AKNAD1: variants seen among roughly 807,000 people sequenced by gnomAD.
AKNAD1 encodes the protein AKNA domain containing 1, also known as protein AKNAD1.
Under a neutral mutation model 90.8 loss-of-function variants are expected in AKNAD1, and 67 were observed. That is an observed-to-expected ratio of 0.74 (90% confidence interval 0.61 to 0.90). The LOEUF (loss-of-function observed/expected upper bound fraction) is 0.90. Among genes scored for constraint, AKNAD1 ranks in the 40% least tolerant of loss-of-function variants. The pLI, the probability that AKNAD1 is intolerant of heterozygous loss-of-function variation, is 0.00. For missense variants in AKNAD1, 957 were observed against 975.4 expected (o/e 0.98, Z 0.25); for synonymous variants, 327 against 341.4 (o/e 0.96, Z 0.46).
rs1280797840 is a variant in AKNAD1 at position 108,816,130 on chromosome 1, T to C, written c.*41A>G. On this transcript the variant is annotated 3_prime_UTR_variant, in exon 16 of 16. Transcript: ENST00000370001. ...TTTTGGGGGAAGATCAAGTTTTCTT[T>C]GCATTTTTTTCTTTTGAATCCTTGG... The C allele has an allele frequency of 6.6e-7, 1 of 1,506,178 alleles. No homozygotes were observed. Among genetic ancestry groups the C allele is most frequent in the South Asian group, 1.3e-5 (1 of 75,654 alleles). 93.3% of individuals were successfully genotyped at this position (1,506,178 alleles called of 1,614,324 possible). A position where few individuals can be genotyped will look rare whatever the true frequency, so the allele number is the denominator to read the frequency against.
rs1664773725 is a variant in AKNAD1, at chr1:108,848,770, A to G, written c.1227T>C (p.His409=). The G allele has an allele frequency of 6.2e-7, 1 of 1,606,700 alleles. No homozygotes were observed. The highest frequency in any genetic ancestry group is 8.5e-7 in the Non-Finnish European group (1 of 1,178,316). ...TCATTACCAGCTTCTTGTCTTGCAA[A>G]TGGTAAGGAGAGTCCTGTTTTATTC... The part of the protein sequence containing the change: ...SKRIKQDSPY[H]LQDKKLVLEK... Residue 409 remains histidine, a synonymous_variant, in exon 5 of 16, where the codon CAT becomes CAC. Coordinates refer to ENST00000370001, the MANE Select transcript of AKNAD1 (RefSeq NM_152763.5).
At chr1:108,826,187 C>A (rs1663990624) in intron 11 of AKNAD1, among the ~76,000 whole-genome samples, 1 of 151,746 alleles carries the variant, frequency 6.6e-6, no homozygotes, top group Non-Finnish European at 1.5e-5. Context: ...GAAGCCAGTG[C>A]AGAACCAAGT....
intron 13 of AKNAD1, among the ~76,000 whole-genome samples, chr1:108,820,831 G>A (rs1663788944): frequency 6.6e-6 from 1 of 152,268 alleles, no homozygotes; most frequent in Admixed American, 6.5e-5. Context: ...GGAGGCTAAG[G>A]TGGGAGGATT....
intron 7 of AKNAD1, among the ~76,000 whole-genome samples, chr1:108,835,264 TC>T (rs1664346259): frequency 6.6e-6 from 1 of 152,144 alleles, no homozygotes; most frequent in Non-Finnish European, 1.5e-5. Context: ...AAAAACCTTC[TC>T]CCTTAGTAAT....
chr1:108,849,503 TA>T (rs1295349859), intron 3 of AKNAD1, 33 bp downstream of exon 3: 2 of 1,344,710 alleles, frequency 1.5e-6, no homozygotes, highest in African/African-American at 2.9e-5. Flanking sequence ...AAAACATATA[TA>T]TATATCTCAA....
At position 108,834,350 on chromosome 1, in the gene AKNAD1, A is replaced by C. The variant is rs1570809266; in HGVS notation, c.1746+97T>G. ...CATTAGGAAGAGGTAAGTGATCTTG[A>C]TTATGCCAATTTCACAGTCACATTC... is the stretch of plus-strand genomic sequence containing the variant. On this transcript the variant is annotated intron_variant, in intron 9 of 15. Transcript: ENST00000370001. The C allele has an allele frequency of 9.5e-6, 10 of 1,053,750 alleles. No homozygotes were observed. In the East Asian group the frequency reaches 2.3e-4, roughly 25 times the overall value. 65.3% of individuals were successfully genotyped at this position (1,053,750 alleles called of 1,614,324 possible).
In AKNAD1 at chr1:108,826,555, G is replaced by A. The variant is rs569241643; in HGVS notation, c.1936+650C>T. On this transcript the variant is annotated intron_variant, in intron 11 of 15. Transcript: ENST00000370001. ...TATCCAAAGCAGCAGCAATTCTCAC[G>A]TAGCCAGTAACCTTACCAGGTACAG... Among the ~76,000 whole-genome samples the A allele has an allele frequency of 1.5e-4, 22 of 151,594 alleles. 1 individual carries two copies. The South Asian group carries it at 3.4e-3, about 23-fold the overall frequency.
intron 1 of AKNAD1, 141 bp from the exon 2 acceptor site, chr1:108,852,908 A>ACC: frequency 2.9e-6 from 1 of 343,704 alleles, no homozygotes; most frequent in Non-Finnish European, 5.2e-6. Context: ...AAGCTGACCC[A>ACC]ACCTCAATCC....
In AKNAD1 at chr1:108,823,595, CG is replaced by C. The variant is rs1663893905; in HGVS notation, c.2029del (p.Arg677GlufsTer38). ...AGTTGGTTCTTTCCTGCAGGCTCTT[CG>C]GGAGGTAGGAATCTTAGTGCCACAG... ...QDCGTKIPTS[R>X]RACRKEPTKE... is the part of the protein sequence containing the mutation. On this transcript the variant is annotated frameshift_variant, in exon 12 of 16. Coordinates refer to ENST00000370001, the MANE Select transcript of AKNAD1 (RefSeq NM_152763.5). LOFTEE classifies it high-confidence loss of function. 6.2e-7 allele frequency: 1 copy of C among 1,613,918 alleles called. No individual in the cohort carries two copies.
chr1:108,821,217 G>A lies in AKNAD1; in HGVS notation c.2168-591C>T, dbSNP rs568637809. Among the ~76,000 whole-genome samples, 7 of 152,296 alleles carry A rather than the reference G, an allele frequency of 4.6e-5. No individual in the cohort carries two copies. In the South Asian group the frequency reaches 8.3e-4, roughly 18 times the overall value. On this transcript the variant is annotated intron_variant, in intron 13 of 15. Transcript: ENST00000370001. ...TTTAATCCCAGCACTTTGGGAGGCC[G>A]AGGTGGGCACATCACCTGAGGTCAG...
intron 9 of AKNAD1, 120 bp downstream of exon 9, chr1:108,834,327 T>G: frequency 2.5e-6 from 2 of 800,334 alleles, no homozygotes; most frequent in Non-Finnish European, 3.9e-6. Context: ...CAGGATGCCA[T>G]TAGGAAGAGG....
At chr1:108,834,579 C>G (rs749500729) in intron 8 of AKNAD1, 51 bp from the exon 9 acceptor site, 1 of 1,498,348 alleles carries the variant, frequency 6.7e-7, no homozygotes, top group South Asian at 1.2e-5. Context: ...AGTTCTTGAG[C>G]TACCTGGGAG....
chr1:108,816,798 C>T (rs934378447), intron 15 of AKNAD1: 3 of 432,438 alleles, frequency 6.9e-6, no homozygotes, highest in African/African-American at 6.0e-5. Context: ...CCAGGGAAAT[C>T]CTGTAGCTGA....
In AKNAD1 at chr1:108,834,498, A is replaced by T. The variant is rs1257580857; in HGVS notation, c.1695T>A (p.Ala565=). ...CCACTTGGTCTGGCTTGTTCTGGGC[A>T]GCTGCATCTCCATAATGACCGTTTA... ...TYLNGHYGDA[A]AQNKPDQVAM... The change falls in exon 9 of 16, where the codon GCT becomes GCA. Residue 565 remains alanine, a synonymous_variant. Coordinates refer to ENST00000370001, the MANE Select transcript of AKNAD1 (RefSeq NM_152763.5). 15 of 1,610,208 alleles carry T rather than the reference A, an allele frequency of 9.3e-6. No homozygotes were observed. The highest frequency in any genetic ancestry group is 1.2e-5 in the Non-Finnish European group (14 of 1,178,780).
chr1:108,841,438 C>T (rs1321701443), intron 6 of AKNAD1, among the ~76,000 whole-genome samples: 1 of 152,056 alleles, frequency 6.6e-6, no homozygotes, highest in Non-Finnish European at 1.5e-5. Context: ...GAAGGTAGAA[C>T]CCCATTTCTT....
chr1:108,830,667 A>C lies in AKNAD1; in HGVS notation c.1747-17T>G. On this transcript the variant is annotated splice_polypyrimidine_tract_variant and intron_variant, in intron 9 of 15. Transcript: ENST00000370001. ...GGGATCCTCCTGCGCCACAAAGCAC[A>C]CAGATGGAGATGTGATAGAGGATGT... The C allele has an allele frequency of 1.9e-6, 3 of 1,613,164 alleles. No homozygotes were observed. The highest frequency in any genetic ancestry group is 2.5e-6 in the Non-Finnish European group (3 of 1,179,288).
chr1:108,850,559 AG>A (rs1664819337), intron 2 of AKNAD1, among the ~76,000 whole-genome samples: 1 of 152,098 alleles, frequency 6.6e-6, no homozygotes, highest in East Asian at 1.9e-4. Context: ...GTTTGGATGT[AG>A]GGGGTTCTGC....
At chr1:108,844,939 C>G (rs972544950) in intron 5 of AKNAD1, among the ~76,000 whole-genome samples, 2 of 151,992 alleles carry the variant, frequency 1.3e-5, no homozygotes, top group African/African-American at 4.8e-5. Context: ...CTGCCTCAGC[C>G]TTCCAAGTAG....
intron 1 of AKNAD1, among the ~76,000 whole-genome samples, chr1:108,855,059 A>C (rs1349892439): frequency 6.6e-6 from 1 of 152,220 alleles, no homozygotes; most frequent in African/African-American, 2.4e-5. Context: ...CCAGGTCCAG[A>C]GGTGAGGCAC....
Sources: allele counts gnomAD v4.1 joint callset (sites outside exome capture counted in the v4.1 genomes callset), GRCh38; gene constraint gnomAD v4.1.1; transcripts MANE v1.5; gene names NCBI Gene and HGNC (gene_info 2026-07-23, HGNC 2026-07-21).